Variants in CCDC7 observed in about 807,000 individuals in gnomAD.
The protein encoded by CCDC7 is coiled-coil domain-containing protein 7.
In CCDC7, 183 loss-of-function variants were observed where a neutral mutation model predicts 196.9. The observed-to-expected ratio is 0.93, with a 90% confidence interval of 0.82 to 1.05. The LOEUF is 1.05. CCDC7 is among the 50% of genes least tolerant of loss of function. The pLI is 0.00. For missense variants in CCDC7, 1,540 were observed against 1,482.2 expected, an observed-to-expected ratio of 1.04 and a Z score of -0.64; for synonymous variants, 525 against 484.6, an observed-to-expected ratio of 1.08 and a Z score of -1.10.
intron 20 of CCDC7, among the ~76,000 whole-genome samples, chr10:32,639,913 G>C (rs557002226): frequency 3.4e-4 from 52 of 152,134 alleles, no homozygotes; most frequent in Non-Finnish European, 5.9e-5. Flanking sequence ...CACTGCACCC[G>C]ACCAATTTCT....
intron 11 of CCDC7, among the ~76,000 whole-genome samples, chr10:32,520,645 G>A (rs1306206749): frequency 6.6e-6 from 1 of 151,878 alleles, no homozygotes; most frequent in Non-Finnish European, 1.5e-5. Context: ...GGGTAGTTTG[G>A]AAATATTTTT....
intron 5 of CCDC7, among the ~76,000 whole-genome samples, chr10:32,467,542 G>C (rs1167740526): frequency 6.6e-6 from 1 of 152,148 alleles, no homozygotes; most frequent in Non-Finnish European, 1.5e-5. Context: ...TAGGTTGCCT[G>C]TTTACTCTGT....
chr10:32,496,500 T>G (rs2042935284), intron 9 of CCDC7, among the ~76,000 whole-genome samples: 1 of 152,024 alleles, frequency 6.6e-6, no homozygotes, highest in South Asian at 2.1e-4. Flanking sequence ...GCCCATTCAG[T>G]ATGATATACT....
chr10:32,643,156 G>A (rs1406786923), intron 20 of CCDC7, among the ~76,000 whole-genome samples: 3 of 152,046 alleles, frequency 2.0e-5, no homozygotes, highest in Non-Finnish European at 4.4e-5. Flanking sequence ...ATTTCTTCTT[G>A]TAGTTTTGTC....
intron 11 of CCDC7, among the ~76,000 whole-genome samples, chr10:32,539,343 G>C (rs1257936970): frequency 6.6e-6 from 1 of 152,062 alleles, no homozygotes; most frequent in South Asian, 2.1e-4. Context: ...GTTTCTGATG[G>C]TGATTTGTAT....
intron 28 of CCDC7, among the ~76,000 whole-genome samples, chr10:32,774,486 C>T (rs2079655386): frequency 6.6e-6 from 1 of 152,122 alleles, no homozygotes; most frequent in Admixed American, 6.6e-5. Flanking sequence ...GGTGTTAGCC[C>T]TGCTTGCAGG....
chr10:32,782,092 A>C (rs1718361743), intron 29 of CCDC7, among the ~76,000 whole-genome samples: 1 of 152,254 alleles, frequency 6.6e-6, no homozygotes, highest in Non-Finnish European at 1.5e-5. Context: ...TTTAGGAATA[A>C]ATTTAACCAA....
At chr10:32,711,411 C>T (rs1456959760) in intron 24 of CCDC7, among the ~76,000 whole-genome samples, 1 of 151,998 alleles carries the variant, frequency 6.6e-6, no homozygotes, top group African/African-American at 2.4e-5. Context: ...CATTTAATAT[C>T]TAGGAATATT....
At chr10:32,769,139 CT>C (rs541684061) in intron 28 of CCDC7, among the ~76,000 whole-genome samples, 5,786 of 150,964 alleles carry the variant, frequency 0.038, 112 homozygotes, top group Non-Finnish European at 0.049. Flanking sequence ...CAGTTCTGAG[CT>C]TTTTTTTTAT....
chr10:32,544,418 A>T, intron 13 of CCDC7, 117 bp downstream of exon 14: 1 of 999,400 alleles, frequency 1.0e-6, no homozygotes, highest in Non-Finnish European at 1.4e-6. Flanking sequence ...GTGTGTGTGT[A>T]TGTGTCTCTG....
intron 24 of CCDC7, among the ~76,000 whole-genome samples, chr10:32,702,730 A>T (rs2078972004): frequency 6.6e-6 from 1 of 152,160 alleles, no homozygotes; most frequent in Non-Finnish European, 1.5e-5. Context: ...CATATTTAGG[A>T]TAGTTAGCTC....
At chr10:32,800,579 C>G (rs1163451451) in intron 29 of CCDC7, among the ~76,000 whole-genome samples, 1 of 152,174 alleles carries the variant, frequency 6.6e-6, no homozygotes, top group African/African-American at 2.4e-5. Flanking sequence ...AGCCAGTGAC[C>G]AGTAGTCCCT....
chr10:32,692,599 A>G (rs1044379094), intron 23 of CCDC7, among the ~76,000 whole-genome samples: 4 of 152,182 alleles, frequency 2.6e-5, no homozygotes, highest in Non-Finnish European at 2.9e-5. Flanking sequence ...TTCCTTCCAG[A>G]AAGGCTTTGT....
chr10:32,567,858 A>G, exon 15 of CCDC7: 1 of 1,613,512 alleles, frequency 6.2e-7, no homozygotes, highest in African/African-American at 1.3e-5. Context: ...CAGGTGGACA[A>G]AGGACAAGTG....
At chr10:32,754,235 G>A (rs921129032) in intron 28 of CCDC7, among the ~76,000 whole-genome samples, 8 of 152,136 alleles carry the variant, frequency 5.3e-5, no homozygotes, top group African/African-American at 1.7e-4. Context: ...GTTCAGCAAT[G>A]TGGCTAACAC....
At chr10:32,876,008 A>G (rs1477297388) in intron 41 of CCDC7, among the ~76,000 whole-genome samples, 1 of 151,924 alleles carries the variant, frequency 6.6e-6, no homozygotes, top group African/African-American at 2.4e-5. Context: ...TCGCCTGGGA[A>G]CTTCTAAGAA....
chr10:32,744,837 C>A (rs917838828), intron 28 of CCDC7, among the ~76,000 whole-genome samples: 2 of 152,108 alleles, frequency 1.3e-5, no homozygotes, highest in African/African-American at 4.8e-5. Context: ...TCCAGCTTAT[C>A]AATTTCTTCT....
intron 28 of CCDC7, among the ~76,000 whole-genome samples, chr10:32,735,677 G>T (rs747778248): frequency 6.6e-6 from 1 of 152,006 alleles, no homozygotes; most frequent in Non-Finnish European, 1.5e-5. Context: ...TTTTATTTTA[G>T]TAAGTACAAC....
At chr10:32,537,154 C>A (rs2050643986) in intron 11 of CCDC7, among the ~76,000 whole-genome samples, 1 of 152,190 alleles carries the variant, frequency 6.6e-6, no homozygotes, top group Non-Finnish European at 1.5e-5. Flanking sequence ...CTCAACCTCA[C>A]TGGCATCTGT....
Sources: allele counts gnomAD v4.1 joint callset (sites outside exome capture counted in the v4.1 genomes callset), GRCh38; gene constraint gnomAD v4.1.1; transcripts MANE v1.5; gene names NCBI Gene and HGNC (gene_info 2026-07-23, HGNC 2026-07-21).